Variants in BIRC6 observed in about 807,000 individuals in gnomAD.
BIRC6 encodes dual E2 ubiquitin-conjugating enzyme/E3 ubiquitin-protein ligase BIRC6.
Under a neutral mutation model 503.3 loss-of-function variants are expected in BIRC6, and 98 were observed. The ratio of observed to expected loss-of-function variants is 0.19; its 90% CI spans 0.17 to 0.23. BIRC6 has a LOEUF of 0.23. BIRC6 is among the 10% of genes least tolerant of loss of function. The pLI is 1.00. For synonymous variants in BIRC6, 2,240 were observed against 2,078.7 expected (o/e 1.08, Z -2.11); for missense variants, 5,360 against 5,806.0 (o/e 0.92, Z 2.50).
intron 14 of BIRC6, 66 bp downstream of exon 14, chr2:32,435,651 C>A: frequency 1.4e-6 from 2 of 1,443,496 alleles, no homozygotes; most frequent in South Asian, 2.9e-5. Flanking sequence ...TGCAACATGT[C>A]GGGCAAGATT....
Position 32,453,303 on chromosome 2 carries a change from C to A in BIRC6, c.4619-505C>A, listed in dbSNP as rs747354240. 1.0e-3 allele frequency among the ~76,000 whole-genome samples: 154 copies of A among 152,114 alleles called. 1 individual carries two copies. In the Middle Eastern group the frequency reaches 0.024, roughly 24 times the overall value. ...CATTCTATAAAACTGATAATATGAACAAAATACAAGAAACAATGTGTAGAT... is the reference window on the plus strand; with the variant it reads ...CATTCTATAAAACTGATAATATGAAAAAAATACAAGAAACAATGTGTAGAT... On this transcript the variant is annotated intron_variant, in intron 22 of 73. Transcript: ENST00000421745.
At chr2:32,442,254 T>C (rs747094788) in intron 18 of BIRC6, 28 bp downstream of exon 18, 1 of 1,604,280 alleles carries the variant, frequency 6.2e-7, no homozygotes, top group Non-Finnish European at 8.5e-7. Context: ...TGCTTACCAC[T>C]GTTGATTGCC....
chr2:32,411,712 A>T (rs977195856), intron 9 of BIRC6, among the ~76,000 whole-genome samples: 2 of 151,850 alleles, frequency 1.3e-5, no homozygotes, highest in Non-Finnish European at 2.9e-5. Flanking sequence ...TCCAGGGCTC[A>T]AGTGATCTGG....
At chr2:32,390,382 G>A (rs2039067588) in intron 4 of BIRC6, among the ~76,000 whole-genome samples, 1 of 151,752 alleles carries the variant, frequency 6.6e-6, no homozygotes, top group Admixed American at 6.6e-5. Flanking sequence ...GTGTTAGCCA[G>A]GATGGTCTCG....
intron 1 of BIRC6, among the ~76,000 whole-genome samples, chr2:32,375,469 C>T (rs2036604863): frequency 6.6e-6 from 1 of 151,956 alleles, no homozygotes; most frequent in Non-Finnish European, 1.5e-5. Flanking sequence ...TAACGAGACC[C>T]TGTCTCTAAA....
intron 10 of BIRC6, among the ~76,000 whole-genome samples, chr2:32,427,997 G>C (rs2043715217): frequency 6.6e-6 from 1 of 152,232 alleles, no homozygotes; most frequent in Non-Finnish European, 1.5e-5. Context: ...ATTCTGCCTA[G>C]TTTTAATTTT....
rs550222036 is a variant in BIRC6 at position 32,448,652 on chromosome 2, TGGAGAGGGGAGAGG to T, written c.4485-120_4485-107del. 9.9e-4 allele frequency: 598 copies of T among 604,402 alleles called. 5 individuals carry two copies. The highest frequency in any genetic ancestry group is 9.2e-3 in the South Asian group (380 of 41,368). 37.4% of individuals were successfully genotyped at this position (604,402 alleles called of 1,614,324 possible). A position where few individuals can be genotyped will look rare whatever the true frequency, so the allele number is the denominator to read the frequency against. On this transcript the variant is annotated intron_variant, in intron 21 of 73. Coordinates refer to ENST00000421745, the MANE Select transcript of BIRC6 (RefSeq NM_016252.4). ...AGAGGGAGACCGTGGAAGGGGACCG[TGGAGAGGGGAGAGG>T]GGAGAGGGGAGAGGGGAGAGGGAGA...
At chr2:32,567,492 A>C (rs1041981513) in intron 65 of BIRC6, among the ~76,000 whole-genome samples, 1 of 152,226 alleles carries the variant, frequency 6.6e-6, no homozygotes, top group Admixed American at 6.5e-5. Flanking sequence ...GGTTAGTGCA[A>C]CTGAAGAACT....
intron 65 of BIRC6, among the ~76,000 whole-genome samples, chr2:32,571,671 T>C (rs572879280): frequency 6.6e-6 from 1 of 151,496 alleles, no homozygotes; most frequent in Admixed American, 6.5e-5. Context: ...AGTTTATCAG[T>C]TTTGTTTATC....
chr2:32,367,381 G>C (rs1021528293), intron 1 of BIRC6, among the ~76,000 whole-genome samples: 3 of 151,850 alleles, frequency 2.0e-5, no homozygotes, highest in African/African-American at 4.8e-5. Flanking sequence ...AGAATCACTT[G>C]AACCTGGGAG....
At chr2:32,442,724 G>A (rs2045553406) in intron 19 of BIRC6, among the ~76,000 whole-genome samples, 1 of 152,066 alleles carries the variant, frequency 6.6e-6, no homozygotes, top group South Asian at 2.1e-4. Flanking sequence ...ATTTGGCAAG[G>A]GAACTCTTAA....
At chr2:32,575,614 A>G (rs1346309074) in intron 66 of BIRC6, among the ~76,000 whole-genome samples, 1 of 151,960 alleles carries the variant, frequency 6.6e-6, no homozygotes, top group Non-Finnish European at 1.5e-5. Flanking sequence ...AATACCAAAA[A>G]ATTAGCCAGG....
At chr2:32,575,450 T>G in intron 66 of BIRC6, 84 bp downstream of exon 66, 1 of 1,312,694 alleles carries the variant, frequency 7.6e-7, no homozygotes, top group African/African-American at 1.5e-5. Context: ...TGTTTTTCAG[T>G]GATATGTGCT....
At chr2:32,406,397 T>TCAAAAAAACCCAC in intron 8 of BIRC6, 102 bp from the exon 9 acceptor site, 1 of 818,142 alleles carries the variant, frequency 1.2e-6, no homozygotes, top group Non-Finnish European at 2.0e-6. Flanking sequence ...AGACCCTGTC[T>TCAAAAAAACCCAC]CAAAAAAACC....
chr2:32,504,971 A>G, intron 49 of BIRC6, 34 bp from the exon 50 acceptor site: 1 of 1,542,372 alleles, frequency 6.5e-7, no homozygotes, highest in Non-Finnish European at 8.9e-7. Context: ...TTCTTTTGCA[A>G]GTTCTTATAA....
chr2:32,441,233 A>G (rs2045400509), intron 16 of BIRC6, 96 bp from the exon 17 acceptor site: 1 of 913,664 alleles, frequency 1.1e-6, no homozygotes, highest in Admixed American at 2.9e-5. Context: ...TTTGATGGCC[A>G]CAATTCAGTT....
intron 9 of BIRC6, among the ~76,000 whole-genome samples, chr2:32,410,262 C>T (rs1390131327): frequency 6.6e-6 from 1 of 152,132 alleles, no homozygotes; most frequent in Non-Finnish European, 1.5e-5. Context: ...GATCGCGCCA[C>T]TGCACTCCAG....
intron 26 of BIRC6, 52 bp downstream of exon 26, chr2:32,465,216 C>T (rs1161537652): frequency 3.1e-5 from 27 of 859,604 alleles, no homozygotes; most frequent in Admixed American, 1.1e-4. Flanking sequence ...CTTAGTCTGC[C>T]GGCCTTTTAA....
intron 1 of BIRC6, among the ~76,000 whole-genome samples, chr2:32,364,579 T>C (rs193244450): frequency 1.4e-3 from 207 of 152,276 alleles, no homozygotes; most frequent in African/African-American, 4.9e-3. Flanking sequence ...AGTTTTACAT[T>C]TCTTTGTATC....
Sources: allele counts gnomAD v4.1 joint callset (sites outside exome capture counted in the v4.1 genomes callset), GRCh38; gene constraint gnomAD v4.1.1; transcripts MANE v1.5; gene names NCBI Gene and HGNC (gene_info 2026-07-23, HGNC 2026-07-21).